The following NRXN1 variants were observed in gnomAD, a reference collection of about 807,000 sequenced individuals.
NRXN1 encodes neurexin 1, also known as neurexin-1.
NRXN1 carries 39 observed loss-of-function variants against 150.9 expected under a neutral mutation model. The ratio of observed to expected loss-of-function variants is 0.26; its 90% CI spans 0.20 to 0.34. NRXN1 has a LOEUF of 0.34. NRXN1 is among the 10% of genes least tolerant of loss of function. The probability of loss-of-function intolerance (pLI) is 1.00; values close to 1 mark genes in which losing one functional copy is unlikely to be tolerated. For synonymous variants in NRXN1, 924 were observed against 757.0 expected, an observed-to-expected ratio of 1.22 and a Z score of -3.62; for missense variants, 1,815 against 1,949.9, an observed-to-expected ratio of 0.93 and a Z score of 1.30.
chr2:50,686,550 T>A (rs1358869136), intron 5 of NRXN1, among the ~76,000 whole-genome samples: 1 of 152,182 alleles, frequency 6.6e-6, no homozygotes, highest in East Asian at 1.9e-4. Flanking sequence ...TCTTCTTTAA[T>A]AAATGGAAGC....
chr2:50,681,264 C>T (rs1438599502), intron 5 of NRXN1, among the ~76,000 whole-genome samples: 1 of 152,216 alleles, frequency 6.6e-6, no homozygotes, highest in East Asian at 1.9e-4. Flanking sequence ...CTTTATCAGT[C>T]TTTCCAATGT....
At chr2:50,304,946 C>A (rs546093133) in intron 17 of NRXN1, among the ~76,000 whole-genome samples, 2 of 151,896 alleles carry the variant, frequency 1.3e-5, no homozygotes, top group African/African-American at 4.8e-5. Flanking sequence ...AAAAATCAGC[C>A]GGGTGTGGTG....
intron 22 of NRXN1, among the ~76,000 whole-genome samples, chr2:49,931,127 G>C (rs1468020706): frequency 1.3e-5 from 2 of 152,152 alleles, no homozygotes; most frequent in African/African-American, 4.8e-5. Flanking sequence ...GCAAGAAAGT[G>C]AGAGACCTTT....
At chr2:50,261,307 A>G (rs2068248158) in intron 17 of NRXN1, among the ~76,000 whole-genome samples, 1 of 151,840 alleles carries the variant, frequency 6.6e-6, no homozygotes, top group African/African-American at 2.4e-5. Context: ...TATTTTTCCC[A>G]GACTTTGCTT....
At chr2:50,787,618 C>T (rs999100720) in intron 5 of NRXN1, among the ~76,000 whole-genome samples, 6 of 151,226 alleles carry the variant, frequency 4.0e-5, no homozygotes, top group Admixed American at 2.0e-4. Flanking sequence ...AACAAGAAAA[C>T]AGAAAATCCT....
chr2:50,907,808 C>A (rs2104039087), intron 5 of NRXN1, among the ~76,000 whole-genome samples: 1 of 152,184 alleles, frequency 6.6e-6, no homozygotes, highest in Admixed American at 6.6e-5. Context: ...GATGACAAAT[C>A]AAATTTACCC....
chr2:50,288,145 T>C (rs186096496), intron 17 of NRXN1, among the ~76,000 whole-genome samples: 4 of 152,300 alleles, frequency 2.6e-5, no homozygotes, highest in African/African-American at 9.6e-5. Flanking sequence ...TATGAATAAC[T>C]TTCCATCAAA....
intron 19 of NRXN1, among the ~76,000 whole-genome samples, chr2:50,082,162 C>T (rs1698068629): frequency 6.6e-6 from 1 of 152,174 alleles, no homozygotes; most frequent in South Asian, 2.1e-4. Flanking sequence ...TTTTTTATAT[C>T]TGACATGATT....
At position 49,934,867 on chromosome 2, in the gene NRXN1, G is replaced by A. The variant is rs1375834222; in HGVS notation, c.4216+8837C>T. Reference sequence around the variant, plus strand: ...ATAAAGTAAGAAGAGCAGATGATACGTGCCCTCCTCCTACCATAGGAACCT... The same window carrying A: ...ATAAAGTAAGAAGAGCAGATGATACATGCCCTCCTCCTACCATAGGAACCT... On this transcript the variant is annotated intron_variant, in intron 22 of 22. Transcript: ENST00000401669. Among the ~76,000 whole-genome samples, 3 of 151,900 alleles carry A rather than the reference G, an allele frequency of 2.0e-5. No homozygotes were observed. The South Asian group carries it at 6.3e-4, about 32-fold the overall frequency.
rs1688553260 is a variant in NRXN1, at chr2:50,027,572, G to A, written c.4128+25699C>T. On this transcript the variant is annotated intron_variant, in intron 21 of 22. Transcript: ENST00000401669. ...ATCCTCCCAACTCAGCTCCTGAGTA[G>A]CTGGGACTACAGGTGCATGCCACCA... Among the ~76,000 whole-genome samples, 4 of 152,228 alleles carry A rather than the reference G, an allele frequency of 2.6e-5. 1 individual carries two copies. The South Asian group carries it at 8.3e-4, about 32-fold the overall frequency.
intron 8 of NRXN1, among the ~76,000 whole-genome samples, chr2:50,601,822 C>A (rs1165586632): frequency 6.6e-6 from 1 of 152,140 alleles, no homozygotes; most frequent in Admixed American, 6.6e-5. Context: ...CTGCATAAGA[C>A]AGGTCTGCTC....
At chr2:50,238,721 C>T (rs2065707692) in intron 17 of NRXN1, among the ~76,000 whole-genome samples, 1 of 151,954 alleles carries the variant, frequency 6.6e-6, no homozygotes, top group African/African-American at 2.4e-5. Flanking sequence ...AGCAACTCTT[C>T]TTTGTTTTCT....
intron 5 of NRXN1, among the ~76,000 whole-genome samples, chr2:50,745,348 G>A (rs1027306053): frequency 2.1e-5 from 3 of 144,894 alleles, no homozygotes; most frequent in African/African-American, 5.2e-5. Flanking sequence ...TCCTCTAGAG[G>A]TATTACTGCT....
At chr2:50,911,183 C>A (rs924649588) in intron 5 of NRXN1, among the ~76,000 whole-genome samples, 7 of 151,962 alleles carry the variant, frequency 4.6e-5, no homozygotes, top group Non-Finnish European at 5.9e-5. Context: ...TCCCTAGACC[C>A]TAAAGTTGCC....
At chr2:51,020,581 C>G (rs1390452437) in intron 2 of NRXN1, among the ~76,000 whole-genome samples, 1 of 151,974 alleles carries the variant, frequency 6.6e-6, no homozygotes, top group East Asian at 1.9e-4. Context: ...ATATCTCCCA[C>G]AAATTTTTAA....
At chr2:50,348,535 C>T (rs566820876) in intron 17 of NRXN1, among the ~76,000 whole-genome samples, 2 of 152,322 alleles carry the variant, frequency 1.3e-5, no homozygotes, top group Admixed American at 6.5e-5. Context: ...TTTCTCTCAT[C>T]CTGTCTTATA....
chr2:50,315,942 G>A (rs2075570518), intron 17 of NRXN1, among the ~76,000 whole-genome samples: 1 of 152,002 alleles, frequency 6.6e-6, no homozygotes, highest in Non-Finnish European at 1.5e-5. Context: ...AATTCAATCA[G>A]GAGGATTCAG....
At chr2:50,332,498 T>A (rs1388042344) in intron 17 of NRXN1, among the ~76,000 whole-genome samples, 1 of 152,200 alleles carries the variant, frequency 6.6e-6, no homozygotes, top group Admixed American at 6.5e-5. Context: ...AGCATTCACC[T>A]TCACCTAGTT....
chr2:50,549,676 T>C (rs1667146445), intron 9 of NRXN1, among the ~76,000 whole-genome samples: 1 of 152,156 alleles, frequency 6.6e-6, no homozygotes, highest in Non-Finnish European at 1.5e-5. Context: ...CCAATGAGGG[T>C]ACAAATAGAG....
Sources: gnomAD v4.1 joint callset for allele counts (sites outside exome capture counted in the v4.1 genomes callset) on GRCh38, gnomAD v4.1.1 for gene constraint, MANE v1.5 for transcripts, NCBI Gene and HGNC (gene_info 2026-07-23, HGNC 2026-07-21) for gene names.